The following FN3K variants were observed in gnomAD, a reference collection of about 807,000 sequenced individuals.
The protein encoded by FN3K is fructosamine 3 kinase.
Under a neutral mutation model 24.8 loss-of-function variants are expected in FN3K, and 24 were observed. The observed-to-expected ratio is 0.97, with a 90% CI of 0.70 to 1.36. The LOEUF is 1.36. Ranked by LOEUF, FN3K falls within the 40% of genes most tolerant of loss-of-function variation. FN3K has a pLI of 0.00. For missense variants in FN3K, 449 were observed against 416.7 expected (o/e 1.08, Z -0.67); for synonymous variants, 192 against 175.2 (o/e 1.10, Z -0.76).
chr17:82,742,929 C>T (rs2046948964), intron 4 of FN3K: 1 of 323,070 alleles, frequency 3.1e-6, no homozygotes, highest in Non-Finnish European at 6.1e-6. Flanking sequence ...CTGGAGGTCA[C>T]CTGGGGCAAG....
Position 82,750,784 on chromosome 17 carries a change from C to A in FN3K, c.*29C>A, listed in dbSNP as rs1396459253. 6.3e-7 allele frequency: 1 copy of A among 1,577,402 alleles called. No individual in the cohort carries two copies. The stretch of plus-strand genomic sequence containing the variant: ...CCCCTGCCCTCCCTTCCCCTGTCCC[C>A]GTCCCCGTCTCCGTCTCCCCGTCCC... On this transcript the variant is annotated 3_prime_UTR_variant, in exon 6 of 6. Transcript: ENST00000300784.
At position 82,750,632 on chromosome 17, in the gene FN3K, G is replaced by A; in HGVS notation, c.807G>A (p.Lys269=). The change falls in exon 6 of 6, where the codon AAG becomes AAA. Residue 269 remains lysine (K), a synonymous_variant. Transcript: ENST00000300784. ...FFTAYHRKIP[K]APGFDQRLLL... is the part of the protein sequence containing the mutation. Reference sequence around the variant, plus strand: ...CCGCCTACCACCGGAAGATCCCCAAGGCTCCGGGCTTCGACCAGCGGCTGC... The same window carrying A: ...CCGCCTACCACCGGAAGATCCCCAAAGCTCCGGGCTTCGACCAGCGGCTGC... 6.2e-7 allele frequency: 1 copy of A among 1,614,064 alleles called. No individual in the cohort carries two copies.
chr17:82,735,633 C>A lies in FN3K; in HGVS notation c.-4C>A. On this transcript the variant is annotated 5_prime_UTR_variant, in exon 1 of 6. Transcript: ENST00000300784. ...AGCGAGCAGAGTCCCGCGCCCCGCA[C>A]TCCATGGAGCAGCTGCTGCGCGCCG... The A allele has an allele frequency of 2.0e-6, 3 of 1,526,864 alleles. No individual in the cohort carries two copies. Among genetic ancestry groups the A allele is most frequent in the Non-Finnish European group, 2.6e-6 (3 of 1,145,906 alleles). 94.6% of individuals were successfully genotyped at this position (1,526,864 alleles called of 1,614,324 possible). A position where few individuals can be genotyped will look rare whatever the true frequency, so the allele number is the denominator to read the frequency against.
Position 82,750,401 on chromosome 17 carries a change from GC to G in FN3K, c.592-14del, listed in dbSNP as rs775573961. ...CTCCCAGAGGCCAGCGATAACTGCAGCCGTTGCTCTCGTAGGTGAAGATCCC... is the reference window on the plus strand; with the variant it reads ...CTCCCAGAGGCCAGCGATAACTGCAGCGTTGCTCTCGTAGGTGAAGATCCC... On this transcript the variant is annotated splice_polypyrimidine_tract_variant and intron_variant, in intron 5 of 5. Coordinates refer to ENST00000300784, the MANE Select transcript of FN3K (RefSeq NM_022158.4). The G allele has an allele frequency of 8.1e-6, 13 of 1,611,682 alleles. No individual in the cohort carries two copies. The Admixed American group carries it at 2.2e-4, about 27-fold the overall frequency.
At chr17:82,745,976 C>T (rs191793016) in intron 4 of FN3K, among the ~76,000 whole-genome samples, 1 of 151,872 alleles carries the variant, frequency 6.6e-6, no homozygotes, top group East Asian at 1.9e-4. Flanking sequence ...CGCCTGTAGT[C>T]CCAGCTACTT....
At chr17:82,741,746 C>G (rs1226217548) in intron 4 of FN3K, among the ~76,000 whole-genome samples, 2 of 152,130 alleles carry the variant, frequency 1.3e-5, no homozygotes, top group African/African-American at 4.8e-5. Context: ...CAGCTCCTCT[C>G]CTGAGGCCTT....
intron 4 of FN3K, chr17:82,745,661 CCA>C (rs2046964658): frequency 6.6e-6 from 1 of 152,200 alleles, no homozygotes; most frequent in East Asian, 1.9e-4. Context: ...TGGATCATTT[CCA>C]GTTTTTGCTC....
intron 1 of FN3K, 25 bp from the exon 2 acceptor site, chr17:82,738,464 T>G: frequency 6.2e-7 from 1 of 1,611,662 alleles, no homozygotes; most frequent in African/African-American, 1.3e-5. Context: ...TCAACAAGGC[T>G]GACAAGGCTG....
chr17:82,751,097 T>TCCCCCGGCC lies in FN3K; in HGVS notation c.*346_*347insCGGCCCCCC, dbSNP rs1276201460. On this transcript the variant is annotated 3_prime_UTR_variant, in exon 6 of 6. Coordinates refer to ENST00000300784, the MANE Select transcript of FN3K (RefSeq NM_022158.4). ...CCCGTCTCCCATCGCCGTCCCCCCG[T>TCCCCCGGCC]CCCCGTCCCCCGTCCCCGTCCCCCC... 1 of 15,840 alleles carries TCCCCCGGCC rather than the reference T, an allele frequency of 6.3e-5. No homozygotes were observed. Among genetic ancestry groups the TCCCCCGGCC allele is most frequent in the East Asian group, 1.8e-3 (1 of 570 alleles). 1.0% of individuals were successfully genotyped at this position (15,840 alleles called of 1,614,324 possible).
At chr17:82,737,468 G>A (rs1396523566) in intron 1 of FN3K, among the ~76,000 whole-genome samples, 1 of 152,020 alleles carries the variant, frequency 6.6e-6, no homozygotes, top group African/African-American at 2.4e-5. Context: ...GACTACAGGT[G>A]CCCGCCACCT....
rs1257249279 is a variant in FN3K at position 82,750,765 on chromosome 17, C to T, written c.*10C>T. The T allele has an allele frequency of 6.2e-7, 1 of 1,602,914 alleles. No homozygotes were observed. Among genetic ancestry groups the T allele is most frequent in the Non-Finnish European group, 8.5e-7 (1 of 1,175,030 alleles). ...AAGGCTGCTCAAGTAGCGGCCCCTGCCCTCCCTTCCCCTGTCCCCGTCCCC... is the reference window on the plus strand; with the variant it reads ...AAGGCTGCTCAAGTAGCGGCCCCTGTCCTCCCTTCCCCTGTCCCCGTCCCC... On this transcript the variant is annotated 3_prime_UTR_variant, in exon 6 of 6. Transcript: ENST00000300784.
At chr17:82,749,413 G>A (rs1396720368) in intron 5 of FN3K, 6 of 313,322 alleles carry the variant, frequency 1.9e-5, no homozygotes, top group Admixed American at 9.0e-5. Flanking sequence ...GCCTGTAATC[G>A]CAGCATTTGG....
chr17:82,749,377 ACT>A (rs536336161), intron 5 of FN3K: 116 of 329,590 alleles, frequency 3.5e-4, no homozygotes, highest in Admixed American at 1.9e-3. Flanking sequence ...TCAAAACATA[ACT>A]CTCGGCCGGG....
intron 4 of FN3K, 33 bp from the exon 5 acceptor site, chr17:82,748,822 T>C (rs779936573): frequency 6.2e-7 from 1 of 1,610,236 alleles, no homozygotes; most frequent in East Asian, 2.2e-5. Context: ...GGCTCCGAAT[T>C]GCAACAGTGG....
intron 4 of FN3K, among the ~76,000 whole-genome samples, chr17:82,746,312 C>T (rs990555670): frequency 2.6e-5 from 4 of 152,008 alleles, no homozygotes; most frequent in Non-Finnish European, 4.4e-5. Context: ...AGCATCTATT[C>T]GTGTGCCTGT....
At chr17:82,738,357 G>C in intron 1 of FN3K, 132 bp from the exon 2 acceptor site, 1 of 1,283,554 alleles carries the variant, frequency 7.8e-7, no homozygotes, top group South Asian at 1.3e-5. Context: ...GTGGACGCCA[G>C]CTCCCAGCCA....
chr17:82,745,715 G>A (rs895058630), intron 4 of FN3K: 2 of 152,140 alleles, frequency 1.3e-5, no homozygotes, highest in Admixed American at 6.5e-5. Flanking sequence ...ACAAATCTTG[G>A]TCTGGACAAA....
At chr17:82,744,584 C>T (rs1005879103) in intron 4 of FN3K, among the ~76,000 whole-genome samples, 5 of 149,792 alleles carry the variant, frequency 3.3e-5, no homozygotes, top group African/African-American at 5.0e-5. Flanking sequence ...TTAGGTAGAA[C>T]GAGAGACTTG....
At chr17:82,745,920 C>T (rs576080249) in intron 4 of FN3K, among the ~76,000 whole-genome samples, 13 of 151,978 alleles carry the variant, frequency 8.6e-5, no homozygotes, top group African/African-American at 1.9e-4. Flanking sequence ...AGTGAAACCC[C>T]GTCTCTACTA....
Sources: allele counts gnomAD v4.1 joint callset (sites outside exome capture counted in the v4.1 genomes callset), GRCh38; gene constraint gnomAD v4.1.1; transcripts MANE v1.5; gene names NCBI Gene and HGNC (gene_info 2026-07-23, HGNC 2026-07-21).